Variants in LDLRAD4 observed in about 807,000 individuals in gnomAD.
LDLRAD4 encodes low-density lipoprotein receptor class A domain-containing protein 4.
A neutral mutation model predicts 17.0 loss-of-function variants in LDLRAD4; 5 were observed. The ratio of observed to expected loss-of-function variants is 0.29; its 90% CI spans 0.15 to 0.62. The LOEUF is 0.62. Among genes scored for constraint, LDLRAD4 ranks in the 20% least tolerant of loss-of-function variants. The pLI, the probability that LDLRAD4 is intolerant of heterozygous loss-of-function variation, is 0.84. For missense variants in LDLRAD4, 340 were observed against 424.7 expected, an observed-to-expected ratio of 0.80 and a Z score of 1.75; for synonymous variants, 168 against 171.8, an observed-to-expected ratio of 0.98 and a Z score of 0.17.
intron 3 of LDLRAD4, among the ~76,000 whole-genome samples, chr18:13,610,295 T>TCC: frequency 1.4e-5 from 1 of 72,560 alleles, no homozygotes; most frequent in South Asian, 5.1e-4. Context: ...TTTTTTTTTT[T>TCC]TTTTTTTTTT....
chr18:13,351,109 A>T (rs546895886), intron 1 of LDLRAD4, among the ~76,000 whole-genome samples: 69 of 152,074 alleles, frequency 4.5e-4, no homozygotes, highest in Non-Finnish European at 8.4e-4. Context: ...TCTTGGCTAT[A>T]TAGGATCTTT....
At chr18:13,447,839 C>T (rs1404181607) in intron 3 of LDLRAD4, among the ~76,000 whole-genome samples, 1 of 152,176 alleles carries the variant, frequency 6.6e-6, no homozygotes, top group Non-Finnish European at 1.5e-5. Context: ...TGAATACTGT[C>T]TAGACGCTCT....
intron 3 of LDLRAD4, among the ~76,000 whole-genome samples, chr18:13,473,383 G>A (rs1254290078): frequency 2.6e-5 from 4 of 152,068 alleles, no homozygotes; most frequent in Admixed American, 2.6e-4. Flanking sequence ...CAAAAACCTA[G>A]TGGGGGCTGG....
At chr18:13,423,160 A>C (rs1264286763) in intron 2 of LDLRAD4, among the ~76,000 whole-genome samples, 1 of 152,192 alleles carries the variant, frequency 6.6e-6, no homozygotes, top group Non-Finnish European at 1.5e-5. Flanking sequence ...TTGGCCTTTA[A>C]GGGAACAAGT....
intron 3 of LDLRAD4, among the ~76,000 whole-genome samples, chr18:13,590,013 CTG>C (rs1390277944): frequency 4.8e-5 from 7 of 145,296 alleles, no homozygotes; most frequent in African/African-American, 1.8e-4. Context: ...ACGTGTGTGG[CTG>C]TGCATGTGTA....
chr18:13,338,450 T>C (rs1284995380), intron 1 of LDLRAD4, among the ~76,000 whole-genome samples: 2 of 152,184 alleles, frequency 1.3e-5, no homozygotes, highest in African/African-American at 4.8e-5. Flanking sequence ...TGACAGAGGA[T>C]CCTCAGCTCT....
chr18:13,462,367 G>A (rs1446308982), intron 3 of LDLRAD4: 1 of 152,598 alleles, frequency 6.6e-6, no homozygotes, highest in Non-Finnish European at 1.5e-5. Context: ...GCTAGACTGG[G>A]GGCCACAGGG....
At chr18:13,594,466 G>A (rs2095066719) in intron 3 of LDLRAD4, among the ~76,000 whole-genome samples, 1 of 151,940 alleles carries the variant, frequency 6.6e-6, no homozygotes, top group African/African-American at 2.4e-5. Flanking sequence ...AAGGCGGACG[G>A]ATCACTTAAG....
chr18:13,499,923 A>G (rs539612785), intron 3 of LDLRAD4, among the ~76,000 whole-genome samples: 2 of 152,170 alleles, frequency 1.3e-5, no homozygotes, highest in Non-Finnish European at 2.9e-5. Flanking sequence ...CCGCATCTCC[A>G]CTGTCCTAAT....
At chr18:13,577,650 C>T (rs988635179) in intron 3 of LDLRAD4, among the ~76,000 whole-genome samples, 5 of 152,128 alleles carry the variant, frequency 3.3e-5, no homozygotes, top group East Asian at 1.9e-4. Flanking sequence ...GCTCTGTGTG[C>T]GGCGTCTCTA....
At chr18:13,243,009 C>T (rs2042744484) in intron 1 of LDLRAD4, among the ~76,000 whole-genome samples, 1 of 152,240 alleles carries the variant, frequency 6.6e-6, no homozygotes, top group Non-Finnish European at 1.5e-5. Context: ...CCTGCTCTGC[C>T]CCTGTGCCTT....
At chr18:13,609,854 C>T (rs569422143) in intron 3 of LDLRAD4, among the ~76,000 whole-genome samples, 43 of 152,206 alleles carry the variant, frequency 2.8e-4, no homozygotes, top group African/African-American at 9.6e-4. Context: ...TGTTGGCGCA[C>T]GCCTGTAATC....
At chr18:13,592,363 T>C (rs1431698288) in intron 3 of LDLRAD4, among the ~76,000 whole-genome samples, 5 of 152,262 alleles carry the variant, frequency 3.3e-5, no homozygotes, top group Admixed American at 1.3e-4. Flanking sequence ...CTGTTCTTTC[T>C]TTTAAAACTG....
chr18:13,268,230 A>G lies in LDLRAD4; in HGVS notation c.-466-9875A>G, dbSNP rs992196029. On this transcript the variant is annotated intron_variant, in intron 1 of 5. Transcript: ENST00000399848. ...CCTGCCAGTCTGTCCTGGACTCTCT[A>G]TCCGTTTTCCTTAGTCTCAGTTCCT... 4.0e-5 allele frequency among the ~76,000 whole-genome samples: 6 copies of G among 151,826 alleles called. No homozygotes were observed. In the East Asian group the frequency reaches 1.2e-3, roughly 29 times the overall value.
chr18:13,634,602 G>T (rs186904018), intron 4 of LDLRAD4, among the ~76,000 whole-genome samples: 72 of 152,262 alleles, frequency 4.7e-4, no homozygotes, highest in Admixed American at 2.8e-3. Context: ...TTGTATTCAT[G>T]AATTGGAAGA....
intron 4 of LDLRAD4, 31 bp from the exon 6 acceptor site, chr18:13,643,328 C>G: frequency 7.0e-7 from 1 of 1,427,252 alleles, no homozygotes; most frequent in Non-Finnish European, 9.4e-7. Flanking sequence ...TTTCTTGTTC[C>G]CCCCACTCTC....
intron 3 of LDLRAD4, among the ~76,000 whole-genome samples, chr18:13,559,634 G>C (rs1228035094): frequency 6.6e-6 from 1 of 152,086 alleles, no homozygotes; most frequent in Non-Finnish European, 1.5e-5. Flanking sequence ...ACATATGTAT[G>C]TATGTACATT....
chr18:13,342,477 CTTTTTTTT>C (rs10706515), intron 1 of LDLRAD4, among the ~76,000 whole-genome samples: 11 of 38,702 alleles, frequency 2.8e-4, no homozygotes, highest in East Asian at 8.6e-4. Context: ...GCCTTCCTGT[CTTTTTTTT>C]TTTTTTTTTT....
chr18:13,287,714 CTTA>C (rs1179946272), intron 1 of LDLRAD4, among the ~76,000 whole-genome samples: 1 of 152,160 alleles, frequency 6.6e-6, no homozygotes, highest in Non-Finnish European at 1.5e-5. Context: ...GAGAGAAACA[CTTA>C]TTATGAGGAT....
Sources: gnomAD v4.1 joint callset for allele counts (sites outside exome capture counted in the v4.1 genomes callset) on GRCh38, gnomAD v4.1.1 for gene constraint, MANE v1.5 for transcripts, NCBI Gene and HGNC (gene_info 2026-07-23, HGNC 2026-07-21) for gene names.